The following ARFGEF1 variants were observed in gnomAD, a reference collection of about 807,000 sequenced individuals.
ARFGEF1 encodes the protein brefeldin A-inhibited guanine nucleotide-exchange protein 1.
In ARFGEF1, 42 loss-of-function variants were observed where a neutral mutation model predicts 231.0. The observed-to-expected ratio is 0.18, with a 90% CI of 0.14 to 0.24. The LOEUF (loss-of-function observed/expected upper bound fraction) is 0.24. Ranked by LOEUF, ARFGEF1 falls within the 10% of genes least tolerant of loss-of-function variation. The pLI is 1.00. For missense variants in ARFGEF1, 1,345 were observed against 2,192.0 expected, an observed-to-expected ratio of 0.61 and a Z score of 7.72; for synonymous variants, 710 against 732.3, an observed-to-expected ratio of 0.97 and a Z score of 0.49.
At chr8:67,196,006 G>A (rs534795972), downstream of ARFGEF1, 1 of 162,200 alleles carries the variant, frequency 6.2e-6, no homozygotes, top group Admixed American at 5.9e-5. Flanking sequence ...ATCTATTGTA[G>A]CTGTGATTAT....
intron 1 of ARFGEF1, among the ~76,000 whole-genome samples, chr8:67,327,912 CTT>C (rs1008378498): frequency 7.2e-5 from 11 of 152,106 alleles, no homozygotes; most frequent in Non-Finnish European, 1.5e-4. Flanking sequence ...TTGTTGACTA[CTT>C]GAGTTATTTT....
chr8:67,225,541 T>A (rs1236507558), intron 28 of ARFGEF1, among the ~76,000 whole-genome samples: 1 of 152,206 alleles, frequency 6.6e-6, no homozygotes. Context: ...ATATGGCAGC[T>A]AGATTTTCAA....
intron 34 of ARFGEF1, among the ~76,000 whole-genome samples, chr8:67,208,644 A>AAAG (rs1314507159): frequency 6.6e-6 from 1 of 151,536 alleles, no homozygotes; most frequent in African/African-American, 2.4e-5. Context: ...AAAAAAAAAA[A>AAAG]AAAACCAACA....
chr8:67,253,152 T>G (rs1840350870), intron 18 of ARFGEF1, among the ~76,000 whole-genome samples: 1 of 152,244 alleles, frequency 6.6e-6, no homozygotes, highest in Non-Finnish European at 1.5e-5. Context: ...CAAACTCTAT[T>G]ATAATATTTC....
chr8:67,225,571 G>C (rs1839344558), intron 28 of ARFGEF1, among the ~76,000 whole-genome samples: 1 of 152,160 alleles, frequency 6.6e-6, no homozygotes, highest in East Asian at 1.9e-4. Context: ...TTACTTTAGA[G>C]CTTAAGCCTA....
rs193026861 is a variant in ARFGEF1, at chr8:67,293,334, G to A, written c.640-1211C>T. Among the ~76,000 whole-genome samples, 4 of 152,192 alleles carry A rather than the reference G, an allele frequency of 2.6e-5. No individual in the cohort carries two copies. In the East Asian group the frequency reaches 7.7e-4, roughly 29 times the overall value. On this transcript the variant is annotated intron_variant, in intron 5 of 38. Transcript: ENST00000262215. ...AGTCAAGTCGGTTTTGCTCGTCACT[G>A]TATAAGTGAGGCCTAGCACAGTGCC...
At chr8:67,233,691 T>C (rs1839625410) in intron 22 of ARFGEF1, among the ~76,000 whole-genome samples, 1 of 151,992 alleles carries the variant, frequency 6.6e-6, no homozygotes, top group Non-Finnish European at 1.5e-5. Flanking sequence ...TCAATCTCTC[T>C]TTCATCCCCC....
At chr8:67,312,908 T>C (rs146200346) in intron 1 of ARFGEF1, among the ~76,000 whole-genome samples, 2 of 152,012 alleles carry the variant, frequency 1.3e-5, no homozygotes, top group East Asian at 1.9e-4. Flanking sequence ...AAAAATCAAA[T>C]ATAAAGAGAT....
intron 21 of ARFGEF1, 81 bp downstream of exon 21, chr8:67,238,654 T>G: frequency 1.3e-6 from 2 of 1,518,154 alleles, no homozygotes; most frequent in Non-Finnish European, 1.8e-6. Flanking sequence ...CCCCTAACAT[T>G]TAGGCATGTC....
intron 1 of ARFGEF1, among the ~76,000 whole-genome samples, chr8:67,331,670 G>T (rs559033958): frequency 6.6e-6 from 1 of 151,856 alleles, no homozygotes; most frequent in Admixed American, 6.6e-5. Context: ...CATAGAAAAT[G>T]AAAGTACAGA....
chr8:67,201,624 T>G lies in ARFGEF1; in HGVS notation c.5129-19A>C, dbSNP rs1838330993. ...TTGAATCCTGCAGAAAAGGGAAGTT[T>G]CTGGGATTAGTTTGGGAAGGCATCT... is the stretch of plus-strand genomic sequence containing the variant. On this transcript the variant is annotated intron_variant, in intron 36 of 38. Transcript: ENST00000262215. 1 of 1,612,692 alleles carries G rather than the reference T, an allele frequency of 6.2e-7. No individual in the cohort carries two copies. Among genetic ancestry groups the G allele is most frequent in the Non-Finnish European group, 8.5e-7 (1 of 1,179,698 alleles).
At chr8:67,238,517 T>G (rs147328860) in intron 21 of ARFGEF1, 24 bp from the exon 22 acceptor site, 463 of 1,580,388 alleles carry the variant, frequency 2.9e-4, no homozygotes, top group Non-Finnish European at 3.4e-4. Flanking sequence ...AGGAAAAAAA[T>G]GTTAAATTCC....
intron 1 of ARFGEF1, among the ~76,000 whole-genome samples, chr8:67,302,772 A>C (rs1302543989): frequency 6.6e-6 from 1 of 152,178 alleles, no homozygotes; most frequent in African/African-American, 2.4e-5. Flanking sequence ...CATTAAGCAG[A>C]AGCATTAATA....
At chr8:67,321,615 C>G (rs1807598158) in intron 1 of ARFGEF1, among the ~76,000 whole-genome samples, 1 of 152,124 alleles carries the variant, frequency 6.6e-6, no homozygotes, top group Non-Finnish European at 1.5e-5. Context: ...CACCCGCCAC[C>G]ACGCCCGGCT....
Position 67,306,617 on chromosome 8 carries a change from C to A in ARFGEF1, c.125-4151G>T, listed in dbSNP as rs528940345. On this transcript the variant is annotated intron_variant, in intron 1 of 38. Coordinates refer to ENST00000262215, the MANE Select transcript of ARFGEF1 (RefSeq NM_006421.5). ...AATATTTATATGGATTCAACAAATTCTATTATCTGTACACTATGAATTATT... is the reference window on the plus strand; with the variant it reads ...AATATTTATATGGATTCAACAAATTATATTATCTGTACACTATGAATTATT... 1.2e-4 allele frequency among the ~76,000 whole-genome samples: 19 copies of A among 152,166 alleles called. 1 individual carries two copies. The South Asian group carries it at 3.9e-3, about 32-fold the overall frequency.
At chr8:67,211,376 C>CA (rs1838745402) in intron 34 of ARFGEF1, 107 bp downstream of exon 34, 2 of 406,718 alleles carry the variant, frequency 4.9e-6, no homozygotes, top group Non-Finnish European at 7.7e-6. Context: ...GAAGTGATGA[C>CA]ACAATCAATT....
At chr8:67,299,978 A>C (rs1263962223) in intron 3 of ARFGEF1, among the ~76,000 whole-genome samples, 3 of 144,768 alleles carry the variant, frequency 2.1e-5, no homozygotes, top group Admixed American at 6.7e-5. Context: ...AAAAAAAACA[A>C]AAAAAAAATT....
At chr8:67,201,661 G>A in intron 36 of ARFGEF1, 56 bp from the exon 37 acceptor site, 1 of 1,605,462 alleles carries the variant, frequency 6.2e-7, no homozygotes, top group Non-Finnish European at 8.5e-7. Context: ...ATGTAAAGGT[G>A]AAACAGCCCG....
rs1563833475 is a variant in ARFGEF1 at position 67,203,073 on chromosome 8, T to C, written c.5128+10A>G. ...CAGTAAACATTAAATGTGAGGCGTG[T>C]GCAGCTTACCTGCTTTCCACAGGGC... On this transcript the variant is annotated intron_variant, in intron 36 of 38. Transcript: ENST00000262215. 1 of 1,609,272 alleles carries C rather than the reference T, an allele frequency of 6.2e-7. No homozygotes were observed. Among genetic ancestry groups the C allele is most frequent in the South Asian group, 1.1e-5 (1 of 90,312 alleles).
Sources: allele counts gnomAD v4.1 joint callset (sites outside exome capture counted in the v4.1 genomes callset), GRCh38; gene constraint gnomAD v4.1.1; transcripts MANE v1.5; gene names NCBI Gene and HGNC (gene_info 2026-07-23, HGNC 2026-07-21).